CDKAL1: variants seen among roughly 807,000 people sequenced by gnomAD.
CDKAL1 encodes threonylcarbamoyladenosine tRNA methylthiotransferase.
CDKAL1 carries 32 observed loss-of-function variants against 68.2 expected under a neutral mutation model. The ratio of observed to expected loss-of-function variants is 0.47; its 90% CI spans 0.35 to 0.63. The LOEUF (loss-of-function observed/expected upper bound fraction) is 0.63, where lower values mean the gene tolerates loss of function less well. CDKAL1 is among the 30% of genes least tolerant of loss of function. CDKAL1 has a pLI of 0.00. For missense variants in CDKAL1, 606 were observed against 696.7 expected, an observed-to-expected ratio of 0.87 and a Z score of 1.47; for synonymous variants, 234 against 244.3, an observed-to-expected ratio of 0.96 and a Z score of 0.39.
chr6:20,639,761 C>G (rs1285889239), intron 4 of CDKAL1, among the ~76,000 whole-genome samples: 1 of 152,198 alleles, frequency 6.6e-6, no homozygotes, highest in Non-Finnish European at 1.5e-5. Context: ...ACCTCCGCCT[C>G]CCATGTTCAA....
At chr6:21,024,334 G>A (rs1768840438) in intron 11 of CDKAL1, among the ~76,000 whole-genome samples, 1 of 152,124 alleles carries the variant, frequency 6.6e-6, no homozygotes. Context: ...AGACATGTAA[G>A]AGGTTAAGAT....
chr6:20,884,720 A>AT (rs1405043404), intron 9 of CDKAL1, among the ~76,000 whole-genome samples: 5 of 152,262 alleles, frequency 3.3e-5, no homozygotes, highest in Admixed American at 3.3e-4. Context: ...ATGAACAATC[A>AT]TAATCAATCT....
chr6:20,567,315 A>C (rs1349394073), intron 4 of CDKAL1, among the ~76,000 whole-genome samples: 1 of 151,844 alleles, frequency 6.6e-6, no homozygotes, highest in African/African-American at 2.4e-5. Flanking sequence ...TTTATGGAGT[A>C]GTTGTTATGA....
At chr6:21,211,201 T>C (rs773417061) in intron 15 of CDKAL1, among the ~76,000 whole-genome samples, 17 of 152,206 alleles carry the variant, frequency 1.1e-4, no homozygotes, top group Non-Finnish European at 1.8e-4. Context: ...TTTTTCTCAC[T>C]GTGAAAGGAA....
At chr6:21,078,002 C>T (rs9358388) in intron 12 of CDKAL1, among the ~76,000 whole-genome samples, 31,594 of 151,914 alleles carry the variant, frequency 0.21, 3,623 homozygotes, top group East Asian at 0.29. Flanking sequence ...GAAGGGACCA[C>T]GGGCATAAAA....
At chr6:21,157,605 G>T (rs140822558) in intron 13 of CDKAL1, among the ~76,000 whole-genome samples, 1 of 152,272 alleles carries the variant, frequency 6.6e-6, no homozygotes, top group African/African-American at 2.4e-5. Context: ...AAATCTTCAC[G>T]AATGAAAGCA....
intron 9 of CDKAL1, among the ~76,000 whole-genome samples, chr6:20,905,244 T>C (rs1762181083): frequency 6.6e-6 from 1 of 152,070 alleles, no homozygotes; most frequent in Admixed American, 6.5e-5. Context: ...AAGAAAGAGA[T>C]AGACAACCTA....
At chr6:20,952,397 AAG>A (rs2150721350) in intron 9 of CDKAL1, among the ~76,000 whole-genome samples, 1 of 152,276 alleles carries the variant, frequency 6.6e-6, no homozygotes, top group South Asian at 2.1e-4. Flanking sequence ...ATTTTGGTCT[AAG>A]GCTGTGTTCA....
At chr6:21,104,007 G>T (rs1286067896) in intron 12 of CDKAL1, among the ~76,000 whole-genome samples, 3 of 152,284 alleles carry the variant, frequency 2.0e-5, no homozygotes, top group African/African-American at 7.2e-5. Flanking sequence ...TGCCTACATA[G>T]GAGAAACTGG....
chr6:20,732,000 G>A (rs917103033), intron 5 of CDKAL1, among the ~76,000 whole-genome samples: 12 of 151,986 alleles, frequency 7.9e-5, no homozygotes, highest in Non-Finnish European at 1.8e-4. Flanking sequence ...CAGCCTGGTA[G>A]GACTCAGAAG....
intron 8 of CDKAL1, among the ~76,000 whole-genome samples, chr6:20,807,186 G>C (rs147515737): frequency 2.4e-4 from 36 of 151,464 alleles, no homozygotes; most frequent in African/African-American, 8.2e-4. Flanking sequence ...AAGTTTTACT[G>C]TTATTTATTT....
chr6:20,678,091 G>GTTT (rs11371206), intron 5 of CDKAL1, among the ~76,000 whole-genome samples: 1,868 of 144,430 alleles, frequency 0.013, 20 homozygotes, highest in South Asian at 0.029. Context: ...GATCTGTGTT[G>GTTT]TTTTTTTTTT....
chr6:20,802,048 C>G (rs1776385414), intron 8 of CDKAL1, among the ~76,000 whole-genome samples: 1 of 151,910 alleles, frequency 6.6e-6, no homozygotes. Flanking sequence ...GCCTGTAATC[C>G]CAGCACTTTG....
At chr6:21,007,005 C>T (rs1012530563) in intron 11 of CDKAL1, among the ~76,000 whole-genome samples, 5 of 152,034 alleles carry the variant, frequency 3.3e-5, no homozygotes, top group African/African-American at 7.2e-5. Context: ...TAACGTTTTT[C>T]TTTTTTTGAC....
At chr6:20,700,019 A>C (rs1257146629) in intron 5 of CDKAL1, among the ~76,000 whole-genome samples, 1 of 151,812 alleles carries the variant, frequency 6.6e-6, no homozygotes, top group African/African-American at 2.4e-5. Flanking sequence ...CCCCGTTTCT[A>C]AATTCTGATT....
At chr6:20,684,057 A>G (rs894972678) in intron 5 of CDKAL1, among the ~76,000 whole-genome samples, 4 of 152,152 alleles carry the variant, frequency 2.6e-5, no homozygotes, top group Non-Finnish European at 4.4e-5. Flanking sequence ...TTTAGTGCTG[A>G]ATAATATTTC....
At chr6:21,036,556 C>T (rs1051048094) in intron 11 of CDKAL1, among the ~76,000 whole-genome samples, 9 of 152,086 alleles carry the variant, frequency 5.9e-5, no homozygotes, top group Admixed American at 2.0e-4. Flanking sequence ...AAGTGTCTAC[C>T]GATGAATAAC....
At chr6:20,698,624 T>C (rs1771208403) in intron 5 of CDKAL1, among the ~76,000 whole-genome samples, 1 of 152,156 alleles carries the variant, frequency 6.6e-6, no homozygotes, top group Non-Finnish European at 1.5e-5. Flanking sequence ...ATGTTGAGAG[T>C]TATGGACTTT....
intron 6 of CDKAL1, among the ~76,000 whole-genome samples, chr6:20,757,012 C>T (rs1774245291): frequency 6.6e-6 from 1 of 151,542 alleles, no homozygotes; most frequent in Admixed American, 6.6e-5. Context: ...CAGCTCACTA[C>T]AACCTCCACC....
Sources: gnomAD v4.1 joint callset for allele counts (sites outside exome capture counted in the v4.1 genomes callset) on GRCh38, gnomAD v4.1.1 for gene constraint, MANE v1.5 for transcripts, NCBI Gene and HGNC (gene_info 2026-07-23, HGNC 2026-07-21) for gene names.